The following ASH2L variants were observed in gnomAD, a reference collection of about 807,000 sequenced individuals.
ASH2L encodes the protein set1/Ash2 histone methyltransferase complex subunit ASH2.
ASH2L carries 30 observed loss-of-function variants against 81.1 expected under a neutral mutation model. That is an observed-to-expected ratio of 0.37 (90% CI 0.28 to 0.50). ASH2L has a LOEUF of 0.50. Among genes scored for constraint, ASH2L ranks in the 20% least tolerant of loss-of-function variants. The pLI is 0.95. For missense variants in ASH2L, 559 were observed against 792.1 expected (o/e 0.71, Z 3.53); for synonymous variants, 273 against 279.9 (o/e 0.98, Z 0.24).
intron 3 of ASH2L, 72 bp from the exon 4 acceptor site, chr8:38,110,307 G>T: frequency 8.3e-7 from 1 of 1,203,834 alleles, no homozygotes; most frequent in East Asian, 2.3e-5. Context: ...GTGAGAGCCT[G>T]TCTTTAAAAA....
chr8:38,128,477 A>G lies in ASH2L; in HGVS notation c.1333+19A>G. On this transcript the variant is annotated intron_variant, in intron 11 of 15. Transcript: ENST00000343823. ...CCCCTAGGTAAGCTGGGGCCTTAAT[A>G]TGGACATCACAGCAGATAGAGAGGA... The G allele has an allele frequency of 6.2e-7, 1 of 1,612,538 alleles. No homozygotes were observed. The highest frequency in any genetic ancestry group is 8.5e-7 in the Non-Finnish European group (1 of 1,179,462).
intron 5 of ASH2L, 68 bp from the exon 6 acceptor site, chr8:38,114,124 T>A (rs935635081): frequency 4.2e-6 from 4 of 953,440 alleles, no homozygotes; most frequent in African/African-American, 1.7e-5. Context: ...CGAAAAATGC[T>A]GTTTTCTTTC....
intron 3 of ASH2L, among the ~76,000 whole-genome samples, chr8:38,109,880 ATAAACT>A (rs1390568459): frequency 1.3e-5 from 2 of 152,358 alleles, no homozygotes; most frequent in Admixed American, 6.5e-5. Flanking sequence ...TACTCAAAAA[ATAAACT>A]TAACGAGATA....
intron 10 of ASH2L, chr8:38,123,267 G>C (rs1486942042): frequency 6.6e-6 from 1 of 151,816 alleles, no homozygotes; most frequent in Non-Finnish European, 1.5e-5. Context: ...TGTATCTTTA[G>C]TAGAGACGGG....
At chr8:38,110,556 T>A in intron 4 of ASH2L, 89 bp downstream of exon 4, 1 of 1,319,878 alleles carries the variant, frequency 7.6e-7, no homozygotes. Flanking sequence ...GACCTTTGCC[T>A]AGTAGCTGGT....
intron 14 of ASH2L, among the ~76,000 whole-genome samples, chr8:38,137,292 A>G (rs1256147953): frequency 6.6e-6 from 1 of 150,562 alleles, no homozygotes; most frequent in East Asian, 2.0e-4. Context: ...CACACCTGTA[A>G]TCCCAGCACT....
intron 13 of ASH2L, among the ~76,000 whole-genome samples, chr8:38,134,997 C>T (rs2517397): frequency 0.98 from 149,715 of 152,018 alleles, 73,746 homozygotes; most frequent in Admixed American, 0.99. Context: ...AATTGATAAA[C>T]AAGCACGCTT....
chr8:38,135,445 T>A (rs963262181), intron 13 of ASH2L, among the ~76,000 whole-genome samples: 4 of 151,898 alleles, frequency 2.6e-5, no homozygotes, highest in Non-Finnish European at 4.4e-5. Context: ...TGAGACCCTG[T>A]CTCAAAAAAG....
At chr8:38,134,266 T>G (rs1412576799) in intron 13 of ASH2L, among the ~76,000 whole-genome samples, 1 of 151,286 alleles carries the variant, frequency 6.6e-6, no homozygotes, top group East Asian at 1.9e-4. Context: ...TCCACTGTTG[T>G]CCTGTGACCC....
intron 10 of ASH2L, chr8:38,124,505 C>T (rs1201948173): frequency 6.6e-6 from 1 of 151,792 alleles, no homozygotes; most frequent in Non-Finnish European, 1.5e-5. Context: ...GCCATTGCAT[C>T]TGGCCTCATT....
chr8:38,133,659 G>A, intron 13 of ASH2L, 113 bp downstream of exon 13: 1 of 815,226 alleles, frequency 1.2e-6, no homozygotes, highest in Non-Finnish European at 1.9e-6. Flanking sequence ...GGGGCATCTG[G>A]TAGCCCCACT....
At chr8:38,120,861 TCTTA>T in intron 9 of ASH2L, 67 bp from the exon 10 acceptor site, 1 of 1,318,554 alleles carries the variant, frequency 7.6e-7, no homozygotes, top group South Asian at 1.2e-5. Flanking sequence ...CAGAGGCCTT[TCTTA>T]CACAGTTGAA....
intron 9 of ASH2L, among the ~76,000 whole-genome samples, chr8:38,120,521 T>C (rs1427456583): frequency 6.8e-6 from 1 of 147,286 alleles, no homozygotes; most frequent in Non-Finnish European, 1.5e-5. Context: ...ATTAGCAAGA[T>C]AGCAAGTGCT....
chr8:38,110,510 G>A (rs1483989118), intron 4 of ASH2L, 43 bp downstream of exon 4: 1 of 1,550,282 alleles, frequency 6.5e-7, no homozygotes, highest in African/African-American at 1.4e-5. Flanking sequence ...TTATCCACTG[G>A]AAAAGAAAAG....
intron 2 of ASH2L, 126 bp downstream of exon 2, chr8:38,106,570 C>G: frequency 1.3e-6 from 1 of 757,608 alleles, no homozygotes; most frequent in South Asian, 1.8e-5. Context: ...TGCAGTGGCG[C>G]GATCTCGGCT....
At chr8:38,138,650 C>G (rs781196545) in intron 14 of ASH2L, 166 bp from the exon 15 acceptor site, 15 of 578,418 alleles carry the variant, frequency 2.6e-5, no homozygotes, top group Non-Finnish European at 4.0e-5. Context: ...TGATGGACAT[C>G]AGGATGTTGA....
rs145996576 is a variant in ASH2L, at chr8:38,107,164, C to A, written c.399C>A (p.Thr133=). The change falls in exon 3 of 16, where the codon ACC becomes ACA. Residue 133 remains threonine (T), a splice_region_variant and synonymous_variant. Coordinates refer to ENST00000343823, the MANE Select transcript of ASH2L (RefSeq NM_004674.5). The part of the protein sequence containing the change: ...WFTADTFGID[T]SSCLPFMTNY... ...CGGCTGACACATTTGGCATAGATACCTCGTGAGTACTTTTCATAGTTTTTG... is the reference window on the plus strand; with the variant it reads ...CGGCTGACACATTTGGCATAGATACATCGTGAGTACTTTTCATAGTTTTTG... 1 of 1,613,644 alleles carries A rather than the reference C, an allele frequency of 6.2e-7. No individual in the cohort carries two copies. Among genetic ancestry groups the A allele is most frequent in the Admixed American group, 1.7e-5 (1 of 60,012 alleles).
rs59410420 is a variant in ASH2L at position 38,123,082 on chromosome 8, C to CTTT, written c.1165+1951_1165+1953dup. On this transcript the variant is annotated intron_variant, in intron 10 of 15. Transcript: ENST00000343823. The stretch of plus-strand genomic sequence containing the variant: ...TGCACATAAAGTAGTTTCAGAATTT[C>CTTT]TTTTTTTTTTTTTTTTTTTTGAGTT... 2.4e-3 allele frequency among the ~76,000 whole-genome samples: 240 copies of CTTT among 100,886 alleles called. 10 individuals are homozygous for CTTT. The highest frequency in any genetic ancestry group is 4.7e-3 in the African/African-American group (118 of 24,938). 66.2% of individuals were successfully genotyped at this position (100,886 alleles called of 152,430 possible).
At chr8:38,118,066 C>CA (rs1364335556) in intron 8 of ASH2L, among the ~76,000 whole-genome samples, 2 of 152,126 alleles carry the variant, frequency 1.3e-5, no homozygotes, top group Non-Finnish European at 2.9e-5. Context: ...CTCAAAAAAA[C>CA]AAAAATTTAA....
Sources: allele counts gnomAD v4.1 joint callset (sites outside exome capture counted in the v4.1 genomes callset), GRCh38; gene constraint gnomAD v4.1.1; transcripts MANE v1.5; gene names NCBI Gene and HGNC (gene_info 2026-07-23, HGNC 2026-07-21).